The following MEI4 variants were observed in gnomAD, a reference collection of about 807,000 sequenced individuals.
MEI4 encodes meiotic double-stranded break formation protein 4, also known as meiosis-specific protein MEI4.
In MEI4, 27 loss-of-function variants were observed where a neutral mutation model predicts 31.4. The observed-to-expected ratio is 0.86, with a 90% CI of 0.63 to 1.19. MEI4 has a LOEUF of 1.19. Ranked by LOEUF, MEI4 falls within the 50% of genes most tolerant of loss-of-function variation. The pLI is 0.00. For synonymous variants in MEI4, 122 were observed against 145.4 expected (o/e 0.84, Z 1.16); for missense variants, 329 against 398.9 (o/e 0.82, Z 1.49).
intron 4 of MEI4, among the ~76,000 whole-genome samples, chr6:77,858,398 A>G (rs1003651695): frequency 3.3e-5 from 5 of 152,184 alleles, no homozygotes; most frequent in South Asian, 2.1e-4. Context: ...AATAATTGCA[A>G]TGCCAAAAAG....
At chr6:77,842,997 G>A (rs909097756) in intron 4 of MEI4, among the ~76,000 whole-genome samples, 1 of 150,652 alleles carries the variant, frequency 6.6e-6, no homozygotes. Context: ...CAAAATTTAA[G>A]AAAGAAATAT....
intron 3 of MEI4, among the ~76,000 whole-genome samples, chr6:77,779,186 T>TA (rs1169248067): frequency 6.6e-6 from 1 of 152,134 alleles, no homozygotes; most frequent in Non-Finnish European, 1.5e-5. Flanking sequence ...GCAAAGAAGT[T>TA]AAAGAATTGG....
chr6:77,789,035 G>T (rs901911356), intron 3 of MEI4, among the ~76,000 whole-genome samples: 1 of 152,122 alleles, frequency 6.6e-6, no homozygotes, highest in African/African-American at 2.4e-5. Context: ...AAAATAGCAT[G>T]GTACTGGTAC....
Position 77,872,599 on chromosome 6 carries a change from C to CT in MEI4, c.900+43540dup, listed in dbSNP as rs1333959824. 5.5e-4 allele frequency among the ~76,000 whole-genome samples: 83 copies of CT among 151,178 alleles called. 1 individual carries two copies. The highest frequency in any genetic ancestry group is 1.9e-3 in the African/African-American group (80 of 41,186). On this transcript the variant is annotated intron_variant, in intron 4 of 4. Coordinates refer to ENST00000684080, the MANE Select transcript of MEI4 (RefSeq NM_001322247.2). ...TTTATTTTATTTTATTATTATTATA[C>CT]TTTAAGTTTTAGGGTACATGTGCAC...
At chr6:77,898,367 T>G (rs1766126388) in intron 4 of MEI4, among the ~76,000 whole-genome samples, 2 of 152,072 alleles carry the variant, frequency 1.3e-5, no homozygotes, top group Admixed American at 1.3e-4. Context: ...TAAAGTACCA[T>G]GTTGAATGCA....
intron 4 of MEI4, among the ~76,000 whole-genome samples, chr6:77,920,244 T>A (rs1315319759): frequency 6.6e-6 from 1 of 151,772 alleles, no homozygotes; most frequent in Non-Finnish European, 1.5e-5. Context: ...GATGCAAAAA[T>A]CCTCAACAAA....
intron 4 of MEI4, among the ~76,000 whole-genome samples, chr6:77,891,267 C>T (rs574010103): frequency 7.9e-5 from 12 of 152,186 alleles, no homozygotes; most frequent in Admixed American, 3.9e-4. Flanking sequence ...TCTACAGCAC[C>T]GAAAATTCAT....
At chr6:77,737,389 A>G (rs1012233576) in intron 2 of MEI4, among the ~76,000 whole-genome samples, 3 of 152,124 alleles carry the variant, frequency 2.0e-5, no homozygotes, top group Non-Finnish European at 4.4e-5. Context: ...GGTATTTTTA[A>G]AAGATTTTTA....
intron 2 of MEI4, among the ~76,000 whole-genome samples, chr6:77,715,118 T>A (rs1766550061): frequency 6.6e-6 from 1 of 152,176 alleles, no homozygotes. Flanking sequence ...AATCATTTAT[T>A]CTGGTGAGGC....
chr6:77,763,720 A>G (rs763945994), intron 3 of MEI4, among the ~76,000 whole-genome samples: 24 of 152,180 alleles, frequency 1.6e-4, no homozygotes, highest in Non-Finnish European at 2.5e-4. Context: ...GGAAGTGGCC[A>G]TTTTTATTTT....
At chr6:77,860,886 G>A (rs933931709) in intron 4 of MEI4, among the ~76,000 whole-genome samples, 8 of 151,862 alleles carry the variant, frequency 5.3e-5, no homozygotes, top group Non-Finnish European at 1.2e-4. Flanking sequence ...TTTCTTGAAC[G>A]TGTTCCTCCC....
chr6:77,745,580 G>T (rs1248779535), intron 2 of MEI4, among the ~76,000 whole-genome samples: 2 of 152,040 alleles, frequency 1.3e-5, no homozygotes, highest in Non-Finnish European at 2.9e-5. Flanking sequence ...AAGTTAACAA[G>T]GATACCCAGG....
At chr6:77,760,990 T>G (rs1019370700) in intron 2 of MEI4, 140 bp from the exon 3 acceptor site, 6 of 578,242 alleles carry the variant, frequency 1.0e-5, no homozygotes, top group Non-Finnish European at 1.5e-5. Flanking sequence ...CTTTACTCAG[T>G]TTTTACACTA....
In MEI4 at chr6:77,829,000, A is replaced by G. The variant is rs1432419268; in HGVS notation, c.838A>G (p.Ile280Val). ...AAATTGCAGCTTGTTGAGAAAATCT[A>G]TTATATCTCTGCTTCTATCAGAAGT... is the stretch of plus-strand genomic sequence containing the variant. The part of the protein sequence containing the change: ...LGNCSLLRKS[I>V]ISLLLSEVNG... Residue 280 changes from isoleucine (I) to valine (V), a missense_variant, in exon 4 of 5, where the codon ATT becomes GTT. Ile to Val is a conservative substitution (Grantham distance 29, BLOSUM62 3). Coordinates refer to ENST00000684080, the MANE Select transcript of MEI4 (RefSeq NM_001322247.2). The G allele has an allele frequency of 1.1e-5, 14 of 1,231,966 alleles. No homozygotes were observed. The highest frequency in any genetic ancestry group is 4.2e-5 in the Admixed American group (1 of 23,690). The allele number at this position is 1,231,966 out of a possible 1,614,324, so 76.3% of individuals were successfully genotyped here.
intron 4 of MEI4, among the ~76,000 whole-genome samples, chr6:77,830,943 A>G (rs2127711933): frequency 6.6e-6 from 1 of 152,206 alleles, no homozygotes; most frequent in South Asian, 2.1e-4. Context: ...AGCAAAGGAA[A>G]CAATTAGCCA....
At chr6:77,911,656 T>C (rs1766437247) in intron 4 of MEI4, among the ~76,000 whole-genome samples, 1 of 150,834 alleles carries the variant, frequency 6.6e-6, no homozygotes, top group Admixed American at 6.7e-5. Context: ...GTTCTCTTTT[T>C]ATAGCTGCAA....
intron 3 of MEI4, among the ~76,000 whole-genome samples, chr6:77,769,467 G>T (rs1025327405): frequency 6.6e-6 from 1 of 152,144 alleles, no homozygotes; most frequent in Non-Finnish European, 1.5e-5. Context: ...CTGGTGCTGT[G>T]TTGGGCTTGG....
At position 77,923,220 on chromosome 6, in the gene MEI4, G is replaced by A; in HGVS notation, c.1032G>A (p.Lys344=). The part of the protein sequence containing the change: ...SSIGHDDQEI[K]KFLQKHDETI... Reference sequence around the variant, plus strand: ...TAGGTCATGATGACCAAGAAATCAAGAAATTTCTTCAGAAGCATGATGAAA... The same window carrying A: ...TAGGTCATGATGACCAAGAAATCAAAAAATTTCTTCAGAAGCATGATGAAA... Residue 344 remains lysine, a synonymous_variant, in exon 5 of 5, where the codon AAG becomes AAA. Transcript: ENST00000684080. 8.1e-7 allele frequency: 1 copy of A among 1,230,518 alleles called. No individual in the cohort carries two copies. The allele number at this position is 1,230,518 out of a possible 1,614,324, so 76.2% of individuals were successfully genotyped here.
Position 77,695,773 on chromosome 6 carries a change from G to T in MEI4, c.232+4870G>T, listed in dbSNP as rs58841652. Among the ~76,000 whole-genome samples, 1,286 of 152,060 alleles carry T rather than the reference G, an allele frequency of 8.5e-3. 13 individuals are homozygous for T. Among genetic ancestry groups the T allele is most frequent in the African/African-American group, 0.028 (1,181 of 41,484 alleles). On this transcript the variant is annotated intron_variant, in intron 2 of 4. Transcript: ENST00000684080. ...CTCTTTTTTGGTTCCATATGAACTT[G>T]AAAGTAGTTTTTTCCAATTCTGTGA... is the stretch of plus-strand genomic sequence containing the variant.
Sources: allele counts gnomAD v4.1 joint callset (sites outside exome capture counted in the v4.1 genomes callset), GRCh38; gene constraint gnomAD v4.1.1; transcripts MANE v1.5; gene names NCBI Gene and HGNC (gene_info 2026-07-23, HGNC 2026-07-21).